Variants in NTM observed in about 807,000 individuals in gnomAD.
The protein encoded by NTM is neurotrimin.
NTM carries 13 observed loss-of-function variants against 42.1 expected under a neutral mutation model. The ratio of observed to expected loss-of-function variants is 0.31; its 90% CI spans 0.20 to 0.49. The LOEUF (loss-of-function observed/expected upper bound fraction) is 0.49, where lower values mean the gene tolerates loss of function less well. NTM is among the 20% of genes least tolerant of loss of function. The pLI, the probability that NTM is intolerant of heterozygous loss-of-function variation, is 0.99. For synonymous variants in NTM, 187 were observed against 179.2 expected (o/e 1.04, Z -0.35); for missense variants, 373 against 452.8 (o/e 0.82, Z 1.60).
intron 2 of NTM, among the ~76,000 whole-genome samples, chr11:131,925,863 C>T (rs547247884): frequency 1.3e-5 from 2 of 152,252 alleles, no homozygotes; most frequent in East Asian, 3.9e-4. Context: ...GCCTCGATTC[C>T]ACCTTTTGTA....
At chr11:131,374,438 T>C (rs1409281551) in intron 1 of NTM, among the ~76,000 whole-genome samples, 3 of 152,230 alleles carry the variant, frequency 2.0e-5, no homozygotes. Context: ...GTCCTGATTC[T>C]TCCCTTTTTT....
intron 2 of NTM, among the ~76,000 whole-genome samples, chr11:132,066,487 C>A (rs1375104539): frequency 6.6e-6 from 1 of 152,196 alleles, no homozygotes; most frequent in Non-Finnish European, 1.5e-5. Context: ...CAAATTACCA[C>A]AAACTGGGTG....
At chr11:132,268,376 C>G (rs2093314807) in intron 4 of NTM, among the ~76,000 whole-genome samples, 1 of 152,218 alleles carries the variant, frequency 6.6e-6, no homozygotes, top group Non-Finnish European at 1.5e-5. Context: ...ACATCACCCT[C>G]CTTTTTCAAA....
rs59565085 is a variant in NTM, at chr11:132,019,909, C to T, written c.167+108261C>T. On this transcript the variant is annotated intron_variant, in intron 2 of 8. Coordinates refer to ENST00000683400, the MANE Select transcript of NTM (RefSeq NM_001352005.2). ...TTTGTTACAAAGGGATCTTGCCTGA[C>T]GCTGAGGTTTGGAATATGATTGAAT... 7.1e-4 allele frequency among the ~76,000 whole-genome samples: 107 copies of T among 151,590 alleles called. 2 individuals carry two copies. The East Asian group carries it at 0.016, about 22-fold the overall frequency.
chr11:131,788,198 A>T (rs2089581488), intron 1 of NTM, among the ~76,000 whole-genome samples: 1 of 152,012 alleles, frequency 6.6e-6, no homozygotes, highest in Non-Finnish European at 1.5e-5. Context: ...TTCTTTCTGT[A>T]ATTTCTTAAG....
intron 1 of NTM, among the ~76,000 whole-genome samples, chr11:131,595,903 G>A (rs1213436211): frequency 6.6e-6 from 1 of 152,164 alleles, no homozygotes; most frequent in African/African-American, 2.4e-5. Context: ...AAGAAGCCAG[G>A]GGTTCTTGTC....
chr11:132,085,880 G>A (rs182735560), intron 2 of NTM, among the ~76,000 whole-genome samples: 190 of 152,262 alleles, frequency 1.2e-3, no homozygotes, highest in African/African-American at 4.5e-3. Flanking sequence ...AACATATTTT[G>A]AGAGGGATTT....
At chr11:131,487,927 T>G (rs1609764) in intron 1 of NTM, among the ~76,000 whole-genome samples, 14,619 of 152,080 alleles carry the variant, frequency 0.096, 1,261 homozygotes, top group East Asian at 0.47. Flanking sequence ...AAATAGCCAG[T>G]GAGGGAGAAG....
chr11:132,101,460 G>C (rs2061603499), intron 2 of NTM, among the ~76,000 whole-genome samples: 1 of 152,116 alleles, frequency 6.6e-6, no homozygotes, highest in African/African-American at 2.4e-5. Context: ...AGCTACAGAA[G>C]CCGTGGTCAG....
intron 1 of NTM, among the ~76,000 whole-genome samples, chr11:131,631,094 G>C (rs942689642): frequency 6.6e-6 from 1 of 152,152 alleles, no homozygotes; most frequent in African/African-American, 2.4e-5. Context: ...AGGCACTCAG[G>C]CATGGATTCA....
intron 2 of NTM, among the ~76,000 whole-genome samples, chr11:132,052,009 G>T (rs981084386): frequency 1.3e-5 from 2 of 152,060 alleles, no homozygotes; most frequent in Admixed American, 1.3e-4. Flanking sequence ...GGAGGCAAGA[G>T]AACTAATTAA....
intron 1 of NTM, among the ~76,000 whole-genome samples, chr11:131,836,103 C>T (rs2043454786): frequency 6.6e-6 from 1 of 152,182 alleles, no homozygotes; most frequent in African/African-American, 2.4e-5. Flanking sequence ...TTTTCAATTT[C>T]TTTAACTGCT....
At chr11:132,093,049 C>A (rs1211822187) in intron 2 of NTM, among the ~76,000 whole-genome samples, 1 of 152,146 alleles carries the variant, frequency 6.6e-6, no homozygotes, top group East Asian at 1.9e-4. Context: ...TATCCTTACA[C>A]TTTTTAGAAG....
intron 1 of NTM, among the ~76,000 whole-genome samples, chr11:131,513,949 C>T (rs1293793508): frequency 1.3e-5 from 2 of 152,106 alleles, no homozygotes; most frequent in Admixed American, 6.5e-5. Flanking sequence ...ACCCTCCTGA[C>T]AGAAGCATGC....
intron 1 of NTM, among the ~76,000 whole-genome samples, chr11:131,572,687 T>C (rs893737351): frequency 6.6e-6 from 1 of 152,174 alleles, no homozygotes; most frequent in Non-Finnish European, 1.5e-5. Context: ...ACAGAGGCTC[T>C]GGGAGCTTAA....
At chr11:131,712,202 A>G (rs945712120) in intron 1 of NTM, among the ~76,000 whole-genome samples, 2 of 151,066 alleles carry the variant, frequency 1.3e-5, no homozygotes, top group Non-Finnish European at 3.0e-5. Flanking sequence ...AAACCCCAAA[A>G]CAAACAAAAA....
At chr11:132,271,130 T>C (rs2093458192) in intron 4 of NTM, among the ~76,000 whole-genome samples, 1 of 152,208 alleles carries the variant, frequency 6.6e-6, no homozygotes, top group African/African-American at 2.4e-5. Context: ...TTTCTTTTTC[T>C]ATAAAATTGC....
intron 7 of NTM, among the ~76,000 whole-genome samples, chr11:132,327,255 T>G (rs968759329): frequency 6.6e-6 from 1 of 152,240 alleles, no homozygotes; most frequent in Non-Finnish European, 1.5e-5. Flanking sequence ...ACTGGTCCTT[T>G]GTCTTTTATC....
chr11:132,069,067 T>C (rs1405005278), intron 2 of NTM, among the ~76,000 whole-genome samples: 3 of 152,072 alleles, frequency 2.0e-5, no homozygotes, highest in Admixed American at 1.3e-4. Flanking sequence ...CACAGGTTAG[T>C]AAACACGTCA....
Sources: gnomAD v4.1 joint callset for allele counts (sites outside exome capture counted in the v4.1 genomes callset) on GRCh38, gnomAD v4.1.1 for gene constraint, MANE v1.5 for transcripts, NCBI Gene and HGNC (gene_info 2026-07-23, HGNC 2026-07-21) for gene names.